MARCHF10: variants seen among roughly 807,000 people sequenced by gnomAD.
MARCHF10 encodes the protein membrane associated ring-CH-type finger 10.
A neutral mutation model predicts 76.2 loss-of-function variants in MARCHF10; 64 were observed. The observed-to-expected ratio is 0.84, with a 90% CI of 0.69 to 1.03. The LOEUF is 1.03. MARCHF10 is among the 50% of genes least tolerant of loss of function. The pLI, the probability that MARCHF10 is intolerant of heterozygous loss-of-function variation, is 0.00. For missense variants in MARCHF10, 875 were observed against 958.0 expected, an observed-to-expected ratio of 0.91 and a Z score of 1.14; for synonymous variants, 340 against 357.5, an observed-to-expected ratio of 0.95 and a Z score of 0.55.
At position 62,749,431 on chromosome 17, in the gene MARCHF10, T is replaced by C. The variant is rs374291893; in HGVS notation, c.383-4903A>G. ...CTCTGGTGCCTAGGAGGTGCCAAGATCCCAATGGAGAGACAACTCTTTGAA... is the reference window on the plus strand; with the variant it reads ...CTCTGGTGCCTAGGAGGTGCCAAGACCCCAATGGAGAGACAACTCTTTGAA... On this transcript the variant is annotated intron_variant, in intron 4 of 10. Transcript: ENST00000311269. 1.9e-4 allele frequency among the ~76,000 whole-genome samples: 29 copies of C among 152,228 alleles called. No homozygotes were observed. In the East Asian group the frequency reaches 5.6e-3, roughly 29 times the overall value.
At chr17:62,722,361 T>C in intron 8 of MARCHF10, 127 bp downstream of exon 8, 1 of 604,400 alleles carries the variant, frequency 1.7e-6, no homozygotes. Context: ...GTAAGCTAAA[T>C]GGATATTGTC....
chr17:62,768,697 A>G (rs932588856), intron 3 of MARCHF10, among the ~76,000 whole-genome samples: 3 of 152,176 alleles, frequency 2.0e-5, no homozygotes, highest in Non-Finnish European at 4.4e-5. Context: ...CTTTTTATAT[A>G]TAGTCTTTTT....
intron 4 of MARCHF10, among the ~76,000 whole-genome samples, chr17:62,754,066 A>C (rs2091972112): frequency 6.6e-6 from 1 of 152,072 alleles, no homozygotes; most frequent in Non-Finnish European, 1.5e-5. Context: ...ATCAAATTAT[A>C]ACCACTTTTT....
At chr17:62,724,001 C>T (rs1487561847) in intron 7 of MARCHF10, among the ~76,000 whole-genome samples, 1 of 152,058 alleles carries the variant, frequency 6.6e-6, no homozygotes, top group East Asian at 1.9e-4. Flanking sequence ...GTGGCAACAC[C>T]TCATGGGGAC....
chr17:62,712,113 AGTG>A lies in MARCHF10; in HGVS notation c.2215-772_2215-770del, dbSNP rs941656759. 3.3e-5 allele frequency among the ~76,000 whole-genome samples: 5 copies of A among 152,090 alleles called. No homozygotes were observed. Among genetic ancestry groups the A allele is most frequent in the African/African-American group, 9.7e-5 (4 of 41,406 alleles). ...ACCTTTCACAGACCTTCCATAAATC[AGTG>A]GTATTAGTAACAACTACTCCTATCC... is the stretch of plus-strand genomic sequence containing the variant. On this transcript the variant is annotated intron_variant, in intron 8 of 10. Transcript: ENST00000311269. The surrounding 1 kb of genome is among the most constrained non-coding windows in gnomAD (Gnocchi z 4.2).
intron 8 of MARCHF10, among the ~76,000 whole-genome samples, chr17:62,713,305 C>T (rs2090024290): frequency 1.3e-5 from 2 of 152,200 alleles, no homozygotes; most frequent in African/African-American, 4.8e-5. Flanking sequence ...AATCAATCAG[C>T]TAGAAAATGG....
intron 8 of MARCHF10, among the ~76,000 whole-genome samples, chr17:62,717,057 C>T (rs1479185070): frequency 3.3e-5 from 5 of 152,242 alleles, no homozygotes; most frequent in East Asian, 1.9e-4. Flanking sequence ...GCCTCGGGGA[C>T]GAGCTGAGTT....
At chr17:62,771,453 T>TAAGGAGAGCTAGATCTCGCAGGG (rs1456700850) in intron 3 of MARCHF10, among the ~76,000 whole-genome samples, 8 of 151,908 alleles carry the variant, frequency 5.3e-5, no homozygotes, top group Non-Finnish European at 8.8e-5. Context: ...TGCAGAGCTG[T>TAAGGAGAGCTAGATCTCGCAGGG]AAGGAGAGCT....
intron 4 of MARCHF10, among the ~76,000 whole-genome samples, chr17:62,744,953 G>T (rs903946691): frequency 1.5e-5 from 2 of 137,852 alleles, no homozygotes; most frequent in African/African-American, 2.7e-5. Flanking sequence ...GCAGTGAGCC[G>T]AGATGGTGCC....
chr17:62,755,155 A>C (rs1456665632), intron 4 of MARCHF10, among the ~76,000 whole-genome samples: 1 of 152,210 alleles, frequency 6.6e-6, no homozygotes, highest in Non-Finnish European at 1.5e-5. Flanking sequence ...ATTTCAGAAC[A>C]CTTGGCTTTG....
chr17:62,708,699 C>G, intron 9 of MARCHF10, among the ~76,000 whole-genome samples: 1 of 152,306 alleles, frequency 6.6e-6, no homozygotes, highest in African/African-American at 2.4e-5. Context: ...CCAACCCATG[C>G]AGGCCACTTC....
At chr17:62,718,099 A>G (rs374527451) in intron 8 of MARCHF10, among the ~76,000 whole-genome samples, 22 of 151,938 alleles carry the variant, frequency 1.4e-4, no homozygotes, top group African/African-American at 5.3e-4. Flanking sequence ...CTCTGCCCAC[A>G]CTCTGTCTAT....
chr17:62,796,751 G>A (rs1458589417), intron 2 of MARCHF10, among the ~76,000 whole-genome samples: 1 of 152,200 alleles, frequency 6.6e-6, no homozygotes, highest in Non-Finnish European at 1.5e-5. Flanking sequence ...CACTTTGAGA[G>A]GCCAAGGTGG....
intron 2 of MARCHF10, among the ~76,000 whole-genome samples, chr17:62,798,814 G>A (rs556008290): frequency 1.8e-4 from 28 of 152,342 alleles, no homozygotes; most frequent in Admixed American, 2.6e-4. Context: ...AACAAGAAAG[G>A]AAATGTCAAA....
At chr17:62,709,987 C>T (rs2089828344) in intron 9 of MARCHF10, among the ~76,000 whole-genome samples, 1 of 152,182 alleles carries the variant, frequency 6.6e-6, no homozygotes, top group East Asian at 1.9e-4. Flanking sequence ...TGTCCCTGGT[C>T]CCTCCTGCTG....
chr17:62,715,625 G>A (rs759630217), intron 8 of MARCHF10, among the ~76,000 whole-genome samples: 6 of 152,194 alleles, frequency 3.9e-5, no homozygotes, highest in Non-Finnish European at 7.3e-5. Context: ...CAGCACTACC[G>A]AAAGAGTCAG....
At chr17:62,805,551 A>G (rs2093149799) in intron 1 of MARCHF10, among the ~76,000 whole-genome samples, 1 of 152,232 alleles carries the variant, frequency 6.6e-6, no homozygotes, top group South Asian at 2.1e-4. Flanking sequence ...GTCAAGAGGC[A>G]TGAAATAACT....
At chr17:62,718,993 G>C (rs1273192491) in intron 8 of MARCHF10, among the ~76,000 whole-genome samples, 1 of 151,798 alleles carries the variant, frequency 6.6e-6, no homozygotes, top group Non-Finnish European at 1.5e-5. Context: ...TTTGTTCTTT[G>C]GTCTACACCC....
At chr17:62,713,800 CA>C (rs1431298379) in intron 8 of MARCHF10, among the ~76,000 whole-genome samples, 2 of 152,016 alleles carry the variant, frequency 1.3e-5, no homozygotes, top group African/African-American at 4.8e-5. Context: ...CTTTGTGTGC[CA>C]GACTGAAGGG....
Sources: gnomAD v4.1 joint callset for allele counts (sites outside exome capture counted in the v4.1 genomes callset) on GRCh38, gnomAD v4.1.1 for gene constraint, Gnocchi (gnomAD v3.1) non-coding constraint, MANE v1.5 for transcripts, NCBI Gene and HGNC (gene_info 2026-07-23, HGNC 2026-07-21) for gene names.